The following USP46 variants were observed in gnomAD, a reference collection of about 807,000 sequenced individuals.
USP46 encodes ubiquitin carboxyl-terminal hydrolase 46.
A neutral mutation model predicts 44.4 loss-of-function variants in USP46; 12 were observed. The ratio of observed to expected loss-of-function variants is 0.27; its 90% confidence interval spans 0.17 to 0.44. USP46 has a LOEUF of 0.44. USP46 is among the 20% of genes least tolerant of loss of function. The probability of loss-of-function intolerance (pLI) is 1.00; values close to 1 mark genes in which losing one functional copy is unlikely to be tolerated. For synonymous variants in USP46, 155 were observed against 161.5 expected (o/e 0.96, Z 0.31); for missense variants, 248 against 444.8 (o/e 0.56, Z 3.98).
rs552469619 is a variant in USP46, at chr4:52,597,156, C to T, written c.*484G>A. The stretch of plus-strand genomic sequence containing the variant: ...GCACAAACTTAAAGCTATACTTGCA[C>T]CCCTAAAAGGTGAATATCTACCCAA... On this transcript the variant is annotated 3_prime_UTR_variant, in exon 9 of 9. Transcript: ENST00000441222. 2.6e-5 allele frequency: 4 copies of T among 154,024 alleles called. No homozygotes were observed. Among genetic ancestry groups the T allele is most frequent in the African/African-American group, 9.6e-5 (4 of 41,550 alleles). The allele number at this position is 154,024 out of a possible 1,614,324, so 9.5% of individuals were successfully genotyped here.
intron 5 of USP46, 34 bp downstream of exon 5, chr4:52,610,507 A>T: frequency 6.3e-7 from 1 of 1,598,656 alleles, no homozygotes; most frequent in Non-Finnish European, 8.6e-7. Context: ...TACAAGCCTG[A>T]TCAAAAGCTC....
intron 4 of USP46, among the ~76,000 whole-genome samples, chr4:52,620,755 C>T (rs572490926): frequency 1.3e-5 from 2 of 152,320 alleles, no homozygotes; most frequent in East Asian, 1.9e-4. Flanking sequence ...TATGACCTAA[C>T]AGATTTACCT....
intron 1 of USP46, among the ~76,000 whole-genome samples, chr4:52,636,599 G>T (rs1169193908): frequency 6.6e-6 from 1 of 150,686 alleles, no homozygotes; most frequent in South Asian, 2.1e-4. Context: ...CCAGCTACTT[G>T]GGAGGCTGAG....
intron 1 of USP46, among the ~76,000 whole-genome samples, chr4:52,646,476 T>C (rs1480729890): frequency 6.6e-6 from 1 of 152,220 alleles, no homozygotes; most frequent in African/African-American, 2.4e-5. Flanking sequence ...TGTTATTTAC[T>C]CAAAACTCTC....
chr4:52,615,088 TC>T (rs891636112), intron 4 of USP46, among the ~76,000 whole-genome samples: 1 of 150,286 alleles, frequency 6.7e-6, no homozygotes, highest in Non-Finnish European at 1.5e-5. Context: ...AAAAAATAAT[TC>T]AAAAAGAAAA....
Position 52,611,336 on chromosome 4 carries a change from T to C in USP46, c.562-719A>G, listed in dbSNP as rs139282695. On this transcript the variant is annotated intron_variant, in intron 4 of 8. Coordinates refer to ENST00000441222, the MANE Select transcript of USP46 (RefSeq NM_022832.4). Reference sequence around the variant, plus strand: ...CCTTCAACAGCTCACTCCACACTAATTCTAGATCTCATATATCTCAAGGCT... The same window carrying C: ...CCTTCAACAGCTCACTCCACACTAACTCTAGATCTCATATATCTCAAGGCT... Among the ~76,000 whole-genome samples, 961 of 152,320 alleles carry C rather than the reference T, an allele frequency of 6.3e-3. 13 individuals carry two copies. The highest frequency in any genetic ancestry group is 0.022 in the African/African-American group (916 of 41,568).
chr4:52,601,742 A>C, intron 7 of USP46, 115 bp downstream of exon 7: 1 of 1,084,594 alleles, frequency 9.2e-7, no homozygotes, highest in Non-Finnish European at 1.3e-6. Flanking sequence ...AGAGTTTGGC[A>C]GAGATCCCAA....
In USP46 at chr4:52,626,171, A is replaced by G; in HGVS notation, c.408T>C (p.Leu136=). The G allele has an allele frequency of 6.2e-7, 1 of 1,613,818 alleles. No homozygotes were observed. The highest frequency in any genetic ancestry group is 8.5e-7 in the Non-Finnish European group (1 of 1,179,840). ...NYLLNTIADI[L]QEEKKQEKQN... is the part of the protein sequence containing the mutation. ...GTTTTTCCTGTTTCTTCTCCTCCTG[A>G]AGGATGTCCGCAATAGTGTTTAGCA... is the stretch of plus-strand genomic sequence containing the variant. Residue 136 remains leucine (L), a synonymous_variant, in exon 4 of 9, where the codon CTT becomes CTC. Coordinates refer to ENST00000441222, the MANE Select transcript of USP46 (RefSeq NM_022832.4).
chr4:52,642,874 A>C (rs190566570), intron 1 of USP46, among the ~76,000 whole-genome samples: 3 of 152,370 alleles, frequency 2.0e-5, no homozygotes, highest in Admixed American at 2.0e-4. Context: ...AATAATGTGC[A>C]ATCTTTACTA....
chr4:52,634,137 C>T (rs1292985062), intron 1 of USP46, among the ~76,000 whole-genome samples: 2 of 148,618 alleles, frequency 1.3e-5, no homozygotes, highest in Non-Finnish European at 1.5e-5. Context: ...TTTTTTGAGA[C>T]GCAGTCTCGC....
intron 6 of USP46, 54 bp downstream of exon 6, chr4:52,604,447 A>ATGG (rs1716601772): frequency 1.4e-6 from 2 of 1,469,942 alleles, no homozygotes; most frequent in Non-Finnish European, 1.9e-6. Flanking sequence ...TGGGCCCCAC[A>ATGG]GTCGGGATCC....
At position 52,648,111 on chromosome 4, in the gene USP46, C is replaced by T. The variant is rs1718621853; in HGVS notation, c.36+11004G>A. ...AGCATGTCTTTACAAGGGTAGAGAA[C>T]ATCAAGCTCTCATACCCAATCAACA... On this transcript the variant is annotated intron_variant, in intron 1 of 8. Transcript: ENST00000441222. 2.0e-5 allele frequency among the ~76,000 whole-genome samples: 3 copies of T among 152,234 alleles called. No individual in the cohort carries two copies. In the South Asian group the frequency reaches 6.2e-4, roughly 32 times the overall value.
In USP46 at chr4:52,593,051, A is replaced by G. The variant is rs1453474802; in HGVS notation, c.*4589T>C. On this transcript the variant is annotated 3_prime_UTR_variant, in exon 9 of 9. Transcript: ENST00000441222. ...ATGACCCACGCTCAGGTATGTCTTT[A>G]TAGCACTGCCAGAATGGACAAATAC... 7.5e-6 allele frequency: 3 copies of G among 397,760 alleles called. No individual in the cohort carries two copies. Among genetic ancestry groups the G allele is most frequent in the Middle Eastern group, 6.2e-4 (1 of 1,610 alleles). The allele number at this position is 397,760 out of a possible 1,614,324, so 24.6% of individuals were successfully genotyped here.
chr4:52,609,778 C>T (rs1716850989), intron 5 of USP46, among the ~76,000 whole-genome samples: 1 of 151,658 alleles, frequency 6.6e-6, no homozygotes, highest in Non-Finnish European at 1.5e-5. Context: ...TCATACTCAC[C>T]CACCCTAGCC....
intron 7 of USP46, among the ~76,000 whole-genome samples, chr4:52,599,736 A>C (rs1716387619): frequency 6.6e-6 from 1 of 152,138 alleles, no homozygotes; most frequent in South Asian, 2.1e-4. Context: ...AAAGTTGAAA[A>C]AGCCAAACTT....
intron 1 of USP46, among the ~76,000 whole-genome samples, chr4:52,632,949 AAAG>A (rs1451051985): frequency 9.4e-5 from 7 of 74,578 alleles, no homozygotes; most frequent in African/African-American, 4.2e-4. Flanking sequence ...AGAAAGAAAG[AAAG>A]AAAGAAAGAA....
At position 52,648,109 on chromosome 4, in the gene USP46, A is replaced by G. The variant is rs572908538; in HGVS notation, c.36+11006T>C. On this transcript the variant is annotated intron_variant, in intron 1 of 8. Transcript: ENST00000441222. ...GAAGCATGTCTTTACAAGGGTAGAGAACATCAAGCTCTCATACCCAATCAA... is the reference window on the plus strand; with the variant it reads ...GAAGCATGTCTTTACAAGGGTAGAGGACATCAAGCTCTCATACCCAATCAA... Among the ~76,000 whole-genome samples the G allele has an allele frequency of 5.3e-5, 8 of 152,350 alleles. No homozygotes were observed. In the South Asian group the frequency reaches 6.2e-4, roughly 12 times the overall value.
At chr4:52,650,107 C>A (rs577192354) in intron 1 of USP46, among the ~76,000 whole-genome samples, 11 of 152,196 alleles carry the variant, frequency 7.2e-5, no homozygotes, top group Non-Finnish European at 1.3e-4. Context: ...CAGGATTATA[C>A]CCTAAAGAAA....
At position 52,627,912 on chromosome 4, in the gene USP46, TTCAGAGGCTTAAATACATTATAC is replaced by T; in HGVS notation, c.331+15_331+37del. On this transcript the variant is annotated intron_variant, in intron 3 of 8. Coordinates refer to ENST00000441222, the MANE Select transcript of USP46 (RefSeq NM_022832.4). ...ATACAGAACCATCAATTCTCCTTATTTCAGAGGCTTAAATACATTATACTGCATACTACTCACCATTCTCTTTT... is the reference window on the plus strand; with the variant it reads ...ATACAGAACCATCAATTCTCCTTATTTGCATACTACTCACCATTCTCTTTT... 6.4e-7 allele frequency: 1 copy of T among 1,571,854 alleles called. No homozygotes were observed. The highest frequency in any genetic ancestry group is 2.3e-5 in the East Asian group (1 of 43,670).
Sources: allele counts gnomAD v4.1 joint callset (sites outside exome capture counted in the v4.1 genomes callset), GRCh38; gene constraint gnomAD v4.1.1; transcripts MANE v1.5; gene names NCBI Gene and HGNC (gene_info 2026-07-23, HGNC 2026-07-21).